EIF4E3: variants seen among roughly 807,000 people sequenced by gnomAD.
The protein encoded by EIF4E3 is eukaryotic translation initiation factor 4E type 3.
EIF4E3 carries 26 observed loss-of-function variants against 31.7 expected under a neutral mutation model. The observed-to-expected ratio is 0.82, with a 90% CI of 0.60 to 1.14. The LOEUF (loss-of-function observed/expected upper bound fraction) is 1.14. Among genes scored for constraint, EIF4E3 ranks in the 50% most tolerant of loss-of-function variants. EIF4E3 has a pLI of 0.00. For synonymous variants in EIF4E3, 128 were observed against 107.7 expected (o/e 1.19, Z -1.17); for missense variants, 304 against 270.9 (o/e 1.12, Z -0.86).
At chr3:71,724,189 C>T (rs890030064) in intron 1 of EIF4E3, among the ~76,000 whole-genome samples, 1 of 152,156 alleles carries the variant, frequency 6.6e-6, no homozygotes, top group Non-Finnish European at 1.5e-5. Flanking sequence ...TCATTGGGCA[C>T]CCACTGCAGG....
chr3:71,747,691 C>G (rs1336311919), intron 1 of EIF4E3, among the ~76,000 whole-genome samples: 1 of 152,072 alleles, frequency 6.6e-6, no homozygotes, highest in Non-Finnish European at 1.5e-5. Flanking sequence ...GAAACCACTT[C>G]CTAATCTAAA....
Position 71,693,920 on chromosome 3 carries a change from G to C in EIF4E3, c.427C>G (p.Leu143Val). Residue 143 changes from leucine (L) to valine (V), a missense_variant, in exon 5 of 7, where the codon CTG becomes GTG. By Grantham distance (32) the Leu-to-Val change is conservative. Transcript: ENST00000425534. Reference protein sequence around the residue: ...DSTSTVWKELLLATIGEQFTD... With the variant: ...DSTSTVWKELVLATIGEQFTD... ...AACTGTTCCCCGATGGTTGCTAACA[G>C]CAACTCTTTCCAAACTGTGGACTGA... The C allele has an allele frequency of 6.3e-7, 1 of 1,585,546 alleles. No homozygotes were observed. Among genetic ancestry groups the C allele is most frequent in the East Asian group, 2.3e-5 (1 of 44,178 alleles).
At chr3:71,697,192 T>C (rs1358878890) in intron 3 of EIF4E3, among the ~76,000 whole-genome samples, 1 of 151,872 alleles carries the variant, frequency 6.6e-6, no homozygotes, top group Admixed American at 6.6e-5. Context: ...ATTTTTAAAA[T>C]TTTTTTTAGA....
chr3:71,746,028 G>A (rs571826813), intron 1 of EIF4E3, among the ~76,000 whole-genome samples: 2 of 152,152 alleles, frequency 1.3e-5, no homozygotes, highest in East Asian at 1.9e-4. Flanking sequence ...ATGGTTTTTC[G>A]CAATTCTGTA....
intron 1 of EIF4E3, among the ~76,000 whole-genome samples, chr3:71,714,954 T>C (rs1351043921): frequency 3.3e-5 from 5 of 152,236 alleles, no homozygotes; most frequent in Non-Finnish European, 7.3e-5. Flanking sequence ...ACATACAGTA[T>C]ATTGTCTTAG....
chr3:71,709,956 C>T (rs2049351086), intron 2 of EIF4E3, among the ~76,000 whole-genome samples: 4 of 152,058 alleles, frequency 2.6e-5, no homozygotes, highest in Admixed American at 6.6e-5. Flanking sequence ...CAGAGACTCT[C>T]CACCTTCACG....
chr3:71,717,504 G>A (rs537936267), intron 1 of EIF4E3, among the ~76,000 whole-genome samples: 20 of 152,268 alleles, frequency 1.3e-4, no homozygotes, highest in Admixed American at 2.6e-4. Context: ...AGCAAATTCC[G>A]AGGCAGGGAG....
the EIF4E3 span, among the ~76,000 whole-genome samples, chr3:71,659,903 C>T: frequency 2.0e-5 from 3 of 152,146 alleles, no homozygotes; most frequent in Admixed American, 1.3e-4. Context: ...TGGGAGGAGG[C>T]CAAAGTGTAG....
At chr3:71,713,258 T>C (rs1447294818) in intron 1 of EIF4E3, among the ~76,000 whole-genome samples, 1 of 152,198 alleles carries the variant, frequency 6.6e-6, no homozygotes, top group Non-Finnish European at 1.5e-5. Flanking sequence ...AACTTGCCCA[T>C]AGCCACAAAT....
chr3:71,744,582 G>A (rs2049852604), intron 1 of EIF4E3, among the ~76,000 whole-genome samples: 1 of 151,810 alleles, frequency 6.6e-6, no homozygotes, highest in African/African-American at 2.4e-5. Context: ...CCGTCTCTAT[G>A]AAAAGTACAA....
chr3:71,716,530 G>A (rs1056001619), intron 1 of EIF4E3, among the ~76,000 whole-genome samples: 38 of 152,284 alleles, frequency 2.5e-4, no homozygotes, highest in African/African-American at 8.9e-4. Flanking sequence ...ACCGTGCCCG[G>A]CCCATTTTAT....
rs572981564 is a variant in EIF4E3 at position 71,716,373 on chromosome 3, C to A, written c.177-5889G>T. On this transcript the variant is annotated intron_variant, in intron 1 of 6. Coordinates refer to ENST00000425534, the MANE Select transcript of EIF4E3 (RefSeq NM_001134651.2). The stretch of plus-strand genomic sequence containing the variant: ...TCAGCCTCCCAAGTAGCTGGGACTA[C>A]AAGCACCCGCCACCACGCCCAGCTA... Among the ~76,000 whole-genome samples the A allele has an allele frequency of 7.9e-5, 12 of 152,268 alleles. No homozygotes were observed. The South Asian group carries it at 2.3e-3, about 29-fold the overall frequency.
chr3:71,700,857 C>T (rs1346750868), intron 2 of EIF4E3, among the ~76,000 whole-genome samples: 4 of 152,150 alleles, frequency 2.6e-5, no homozygotes, highest in African/African-American at 4.8e-5. Context: ...GATTCATATG[C>T]TGAAACCCTA....
intron 2 of EIF4E3, among the ~76,000 whole-genome samples, chr3:71,708,316 G>T (rs1390184104): frequency 6.6e-6 from 1 of 152,128 alleles, no homozygotes; most frequent in Non-Finnish European, 1.5e-5. Context: ...GTTGCTTTGG[G>T]GGATGGAGGC....
intron 4 of EIF4E3, among the ~76,000 whole-genome samples, chr3:71,695,728 G>A (rs2049127066): frequency 6.6e-6 from 1 of 152,184 alleles, no homozygotes; most frequent in Admixed American, 6.5e-5. Context: ...AGTTCTTTGA[G>A]CTTATCCACA....
chr3:71,706,692 T>C (rs1240263082), intron 2 of EIF4E3, among the ~76,000 whole-genome samples: 1 of 152,084 alleles, frequency 6.6e-6, no homozygotes, highest in East Asian at 1.9e-4. Context: ...TGGTAGCACA[T>C]GGCTATAGTC....
chr3:71,699,965 G>A (rs1287769451), intron 2 of EIF4E3, among the ~76,000 whole-genome samples: 1 of 152,118 alleles, frequency 6.6e-6, no homozygotes, highest in Non-Finnish European at 1.5e-5. Flanking sequence ...TTGAGCCCAG[G>A]AGTTCGAGAC....
chr3:71,710,393 G>A lies in EIF4E3; in HGVS notation c.249+19C>T, dbSNP rs752757133. On this transcript the variant is annotated intron_variant, in intron 2 of 6. Transcript: ENST00000425534. The stretch of plus-strand genomic sequence containing the variant: ...GACGTGTGCCGTGTTAATCCAGTTA[G>A]TCCCTCTCTTGATCTTACCTGTACT... 2 of 1,551,052 alleles carry A rather than the reference G, an allele frequency of 1.3e-6. No homozygotes were observed. Among genetic ancestry groups the A allele is most frequent in the Admixed American group, 2.0e-5 (1 of 51,002 alleles).
intron 1 of EIF4E3, among the ~76,000 whole-genome samples, 195 bp downstream of exon 1, chr3:71,724,997 A>G (rs946299334): frequency 6.6e-6 from 1 of 152,018 alleles, no homozygotes; most frequent in African/African-American, 2.4e-5. Context: ...GACGCCGAAC[A>G]GCCGCCCGGC....
Sources: gnomAD v4.1 joint callset for allele counts (sites outside exome capture counted in the v4.1 genomes callset) on GRCh38, gnomAD v4.1.1 for gene constraint, MANE v1.5 for transcripts, NCBI Gene and HGNC (gene_info 2026-07-23, HGNC 2026-07-21) for gene names.